CSGALNACT1: variants seen among roughly 807,000 people sequenced by gnomAD.
The protein encoded by CSGALNACT1 is chondroitin sulfate N-acetylgalactosaminyltransferase 1.
CSGALNACT1 carries 52 observed loss-of-function variants against 51.0 expected under a neutral mutation model. That is an observed-to-expected ratio of 1.02 (90% CI 0.82 to 1.29). The LOEUF (loss-of-function observed/expected upper bound fraction) is 1.29. CSGALNACT1 is among the 50% of genes most tolerant of loss of function. The pLI, the probability that CSGALNACT1 is intolerant of heterozygous loss-of-function variation, is 0.00. For missense variants in CSGALNACT1, 935 were observed against 679.2 expected (o/e 1.38, Z -4.19); for synonymous variants, 341 against 254.4 (o/e 1.34, Z -3.24).
intron 3 of CSGALNACT1, among the ~76,000 whole-genome samples, chr8:19,540,896 T>A (rs569811911): frequency 6.6e-6 from 1 of 152,278 alleles, no homozygotes; most frequent in East Asian, 1.9e-4. Flanking sequence ...CTAGGTTAAA[T>A]GCCCTGAGGT....
At chr8:19,479,680 C>T (rs2070793163) in intron 4 of CSGALNACT1, among the ~76,000 whole-genome samples, 1 of 151,444 alleles carries the variant, frequency 6.6e-6, no homozygotes, top group Admixed American at 6.6e-5. Flanking sequence ...AAAGCCCCGA[C>T]TGTTAGGATT....
At chr8:19,555,870 T>C (rs2089590320) in intron 3 of CSGALNACT1, among the ~76,000 whole-genome samples, 1 of 152,118 alleles carries the variant, frequency 6.6e-6, no homozygotes. Context: ...ACACCCCAAC[T>C]CCACACATTC....
chr8:19,468,779 A>G (rs1172404571), intron 4 of CSGALNACT1, among the ~76,000 whole-genome samples: 1 of 152,150 alleles, frequency 6.6e-6, no homozygotes, highest in Non-Finnish European at 1.5e-5. Flanking sequence ...GTATGAGTAG[A>G]TTGGAAGCTT....
intron 4 of CSGALNACT1, among the ~76,000 whole-genome samples, chr8:19,474,869 G>GAAAAA (rs10683237): frequency 3.0e-4 from 26 of 86,146 alleles, no homozygotes; most frequent in Non-Finnish European, 3.7e-4. Flanking sequence ...CTCTGTCTCA[G>GAAAAA]AAAAAAAAAA....
chr8:19,492,420 C>T lies in CSGALNACT1; in HGVS notation c.634+12781G>A, dbSNP rs566425659. Among the ~76,000 whole-genome samples the T allele has an allele frequency of 2.6e-5, 4 of 152,336 alleles. No individual in the cohort carries two copies. The South Asian group carries it at 6.2e-4, about 24-fold the overall frequency. ...TTTCATCTACCTCTTCAGTTTCCTG[C>T]ACGCTACTCCTGATCTCCTGATTCA... On this transcript the variant is annotated intron_variant, in intron 4 of 9. Transcript: ENST00000454498.
intron 4 of CSGALNACT1, among the ~76,000 whole-genome samples, chr8:19,500,828 C>G (rs1450886635): frequency 6.6e-6 from 1 of 152,144 alleles, no homozygotes; most frequent in Non-Finnish European, 1.5e-5. Context: ...TTACAAAGAA[C>G]AGAAATTTAT....
chr8:19,467,514 CAAT>C (rs1254793362), intron 4 of CSGALNACT1, among the ~76,000 whole-genome samples: 2 of 152,120 alleles, frequency 1.3e-5, no homozygotes, highest in Admixed American at 6.5e-5. Flanking sequence ...AGGCAATCAA[CAAT>C]GAGTAGAAAA....
intron 4 of CSGALNACT1, among the ~76,000 whole-genome samples, chr8:19,483,411 C>T (rs2071988577): frequency 6.6e-6 from 1 of 152,212 alleles, no homozygotes; most frequent in Non-Finnish European, 1.5e-5. Flanking sequence ...ACTCAATGCT[C>T]CAGCCAAAAT....
intron 3 of CSGALNACT1, among the ~76,000 whole-genome samples, chr8:19,558,157 G>A (rs2975437): frequency 1.3e-5 from 2 of 152,188 alleles, no homozygotes; most frequent in Non-Finnish European, 2.9e-5. Flanking sequence ...ATGTTGTGAA[G>A]CTACCATTTG....
At chr8:19,484,938 G>T (rs1398893529) in intron 4 of CSGALNACT1, among the ~76,000 whole-genome samples, 1 of 152,116 alleles carries the variant, frequency 6.6e-6, no homozygotes, top group Non-Finnish European at 1.5e-5. Context: ...CACAGTGAGA[G>T]GGGGTGGTCC....
chr8:19,627,806 G>A (rs961141369), intron 1 of CSGALNACT1, among the ~76,000 whole-genome samples: 1 of 152,196 alleles, frequency 6.6e-6, no homozygotes, highest in Admixed American at 6.5e-5. Context: ...GCACCTGGGT[G>A]ACAGAGCAAG....
chr8:19,584,698 T>A (rs1438297971), intron 3 of CSGALNACT1, among the ~76,000 whole-genome samples: 2 of 152,238 alleles, frequency 1.3e-5, no homozygotes, highest in African/African-American at 4.8e-5. Flanking sequence ...TATTGTTTTC[T>A]TTCACAGTAT....
intron 5 of CSGALNACT1, chr8:19,457,855 A>G (rs370354071): frequency 2.2e-4 from 292 of 1,314,150 alleles, no homozygotes; most frequent in Non-Finnish European, 2.9e-4. Context: ...TTGAGTAGCT[A>G]CAAAAATGTG....
intron 3 of CSGALNACT1, among the ~76,000 whole-genome samples, chr8:19,546,228 T>C (rs1025546380): frequency 5.9e-5 from 9 of 152,200 alleles, no homozygotes; most frequent in Non-Finnish European, 1.2e-4. Flanking sequence ...CTGTCAAGTA[T>C]ATAAATACAT....
At chr8:19,432,518 G>C (rs2153729716) in intron 6 of CSGALNACT1, among the ~76,000 whole-genome samples, 1 of 152,046 alleles carries the variant, frequency 6.6e-6, no homozygotes, top group Non-Finnish European at 1.5e-5. Context: ...ATATTTTTAG[G>C]TGCCCTTCTC....
intron 1 of CSGALNACT1, among the ~76,000 whole-genome samples, chr8:19,727,222 GA>G (rs1247695841): frequency 2.6e-5 from 4 of 151,870 alleles, no homozygotes; most frequent in African/African-American, 7.3e-5. Context: ...GCATGAAGGA[GA>G]AAAAAAATGT....
At chr8:19,611,177 C>A (rs2052205861) in intron 1 of CSGALNACT1, among the ~76,000 whole-genome samples, 1 of 152,218 alleles carries the variant, frequency 6.6e-6, no homozygotes, top group East Asian at 1.9e-4. Flanking sequence ...ACACAGGAGA[C>A]TACCAGAGGC....
chr8:19,554,853 A>C (rs1397637455), intron 3 of CSGALNACT1, among the ~76,000 whole-genome samples: 2 of 152,082 alleles, frequency 1.3e-5, no homozygotes, highest in East Asian at 3.9e-4. Flanking sequence ...GGGAGGCGGC[A>C]GTTGCAGTGA....
chr8:19,461,800 C>T lies in CSGALNACT1; in HGVS notation c.635-3158G>A, dbSNP rs1375974296. Among the ~76,000 whole-genome samples, 62 of 68,336 alleles carry T rather than the reference C, an allele frequency of 9.1e-4. 13 individuals carry two copies. Among genetic ancestry groups the T allele is most frequent in the South Asian group, 3.6e-3 (6 of 1,652 alleles). 44.8% of individuals were successfully genotyped at this position (68,336 alleles called of 152,430 possible). A position where few individuals can be genotyped will look rare whatever the true frequency, so the allele number is the denominator to read the frequency against. On this transcript the variant is annotated intron_variant, in intron 4 of 9. Transcript: ENST00000454498. ...CAGCAGCCACATTCACCATGGAGGGCGTATCCCCACAGCAGCCACATTAGC... is the reference window on the plus strand; with the variant it reads ...CAGCAGCCACATTCACCATGGAGGGTGTATCCCCACAGCAGCCACATTAGC...
Sources: gnomAD v4.1 joint callset for allele counts (sites outside exome capture counted in the v4.1 genomes callset) on GRCh38, gnomAD v4.1.1 for gene constraint, MANE v1.5 for transcripts, NCBI Gene and HGNC (gene_info 2026-07-23, HGNC 2026-07-21) for gene names.